The following GPR158 variants were observed in gnomAD, a reference collection of about 807,000 sequenced individuals.
GPR158 encodes the protein G protein-coupled receptor 158, also known as metabotropic glycine receptor.
Under a neutral mutation model 78.2 loss-of-function variants are expected in GPR158, and 30 were observed. That is an observed-to-expected ratio of 0.38 (90% CI 0.29 to 0.52). The LOEUF (loss-of-function observed/expected upper bound fraction) is 0.52. Among genes scored for constraint, GPR158 ranks in the 20% least tolerant of loss-of-function variants. The pLI is 0.83. For missense variants in GPR158, 1,463 were observed against 1,523.5 expected (o/e 0.96, Z 0.66); for synonymous variants, 581 against 591.1 (o/e 0.98, Z 0.25).
intron 4 of GPR158, among the ~76,000 whole-genome samples, chr10:25,445,463 A>G (rs1835127861): frequency 1.3e-5 from 2 of 152,138 alleles, no homozygotes; most frequent in African/African-American, 4.8e-5. Context: ...TAAAATTTGG[A>G]CTTATGTATA....
chr10:25,364,123 G>T (rs1469976570), intron 2 of GPR158, among the ~76,000 whole-genome samples: 1 of 151,920 alleles, frequency 6.6e-6, no homozygotes, highest in Non-Finnish European at 1.5e-5. Flanking sequence ...CATTTTATCA[G>T]TAAGGAAAAT....
At chr10:25,467,709 G>C (rs975125820) in intron 5 of GPR158, among the ~76,000 whole-genome samples, 1 of 152,140 alleles carries the variant, frequency 6.6e-6, no homozygotes, top group African/African-American at 2.4e-5. Context: ...AGAGTGGGCT[G>C]GTCTGGGTGG....
intron 1 of GPR158, among the ~76,000 whole-genome samples, chr10:25,186,140 T>C (rs1349767951): frequency 6.6e-6 from 1 of 152,114 alleles, no homozygotes; most frequent in Non-Finnish European, 1.5e-5. Context: ...CATAACGAAA[T>C]GAAGGCAGAA....
At chr10:25,582,483 G>A (rs185418090) in intron 7 of GPR158, among the ~76,000 whole-genome samples, 42 of 152,304 alleles carry the variant, frequency 2.8e-4, no homozygotes, top group Non-Finnish European at 3.8e-4. Context: ...CCATTCTAGC[G>A]AAGTGTGAAC....
At chr10:25,326,874 T>G (rs1334739987) in intron 2 of GPR158, among the ~76,000 whole-genome samples, 2 of 152,194 alleles carry the variant, frequency 1.3e-5, no homozygotes, top group African/African-American at 4.8e-5. Context: ...CACTGACGAT[T>G]ATTTGACTTA....
At chr10:25,466,334 C>T (rs16925917) in intron 4 of GPR158, 9,272 of 220,036 alleles carry the variant, frequency 0.042, 314 homozygotes, top group South Asian at 0.13. Context: ...GACCTTCAAT[C>T]GGGAGAAGAC....
At chr10:25,295,060 T>C (rs937548663) in intron 2 of GPR158, among the ~76,000 whole-genome samples, 3 of 152,238 alleles carry the variant, frequency 2.0e-5, no homozygotes, top group Admixed American at 2.0e-4. Context: ...ACCTAGCCCT[T>C]TCTCAATCTG....
chr10:25,429,263 C>T (rs1033808820), intron 4 of GPR158, among the ~76,000 whole-genome samples: 1 of 152,042 alleles, frequency 6.6e-6, no homozygotes, highest in Non-Finnish European at 1.5e-5. Context: ...GTAGCACTTT[C>T]AATTCTTACC....
intron 9 of GPR158, among the ~76,000 whole-genome samples, chr10:25,596,086 A>G (rs899194802): frequency 6.6e-6 from 1 of 152,190 alleles, no homozygotes; most frequent in Non-Finnish European, 1.5e-5. Context: ...AGATAGAGGT[A>G]AGTGCCAAGG....
At chr10:25,194,991 A>AT (rs1378860914) in intron 1 of GPR158, among the ~76,000 whole-genome samples, 1 of 152,126 alleles carries the variant, frequency 6.6e-6, no homozygotes, top group African/African-American at 2.4e-5. Context: ...AAGAATTGAC[A>AT]GATAAATAAT....
chr10:25,251,972 T>G (rs1423287848), intron 2 of GPR158, among the ~76,000 whole-genome samples: 1 of 152,038 alleles, frequency 6.6e-6, no homozygotes, highest in Non-Finnish European at 1.5e-5. Flanking sequence ...AGATTTGGTC[T>G]TTTCACATAG....
Position 25,583,074 on chromosome 10 carries a change from C to T in GPR158, c.1754-5933C>T, listed in dbSNP as rs74126246. On this transcript the variant is annotated intron_variant, in intron 7 of 10. Transcript: ENST00000376351. ...AGGCTCCAATCTGCTGCTCACAGGG[C>T]GAGTGCAGCTGGAGAACGGAGGTTC... Among the ~76,000 whole-genome samples, 888 of 152,268 alleles carry T rather than the reference C, an allele frequency of 5.8e-3. 11 individuals carry two copies. The highest frequency in any genetic ancestry group is 0.019 in the African/African-American group (787 of 41,558).
intron 6 of GPR158, among the ~76,000 whole-genome samples, chr10:25,572,174 T>C (rs774790681): frequency 2.6e-5 from 4 of 152,178 alleles, no homozygotes; most frequent in Admixed American, 2.6e-4. Context: ...CTGAGAATTT[T>C]CCTTGAAATA....
intron 2 of GPR158, among the ~76,000 whole-genome samples, chr10:25,298,003 C>T (rs1276461076): frequency 6.6e-6 from 1 of 152,162 alleles, no homozygotes; most frequent in Admixed American, 6.5e-5. Context: ...AACCTCAGGT[C>T]CCATCTGTAT....
chr10:25,327,011 T>G (rs1424614241), intron 2 of GPR158, among the ~76,000 whole-genome samples: 4 of 152,160 alleles, frequency 2.6e-5, no homozygotes, highest in Non-Finnish European at 5.9e-5. Context: ...AAATACACAT[T>G]TGACTTACTG....
intron 4 of GPR158, among the ~76,000 whole-genome samples, chr10:25,444,366 T>C (rs1215920205): frequency 6.7e-6 from 1 of 149,770 alleles, no homozygotes; most frequent in Admixed American, 6.7e-5. Flanking sequence ...ATGCGTGCGG[T>C]AGTTGTGTGT....
At chr10:25,590,468 C>A (rs567286015) in intron 8 of GPR158, among the ~76,000 whole-genome samples, 1 of 152,266 alleles carries the variant, frequency 6.6e-6, no homozygotes, top group South Asian at 2.1e-4. Context: ...AGGGGATGCC[C>A]TCAGTCAACA....
rs868507861 is a variant in GPR158, at chr10:25,279,514, G to A, written c.1008+58357G>A. 2.6e-5 allele frequency among the ~76,000 whole-genome samples: 4 copies of A among 152,154 alleles called. No individual in the cohort carries two copies. The South Asian group carries it at 6.2e-4, about 24-fold the overall frequency. ...TTTTAAGCATTTTGTGGGGTGGGGG[G>A]AGATTTGTGCAGGGGGAAGTGTATT... is the stretch of plus-strand genomic sequence containing the variant. On this transcript the variant is annotated intron_variant, in intron 2 of 10. Coordinates refer to ENST00000376351, the MANE Select transcript of GPR158 (RefSeq NM_020752.3).
chr10:25,513,835 T>C (rs1231018200), intron 5 of GPR158, among the ~76,000 whole-genome samples: 1 of 152,286 alleles, frequency 6.6e-6, no homozygotes, highest in East Asian at 1.9e-4. Context: ...CTTTGGGGGT[T>C]CATTTTGGAG....
Sources: gnomAD v4.1 joint callset for allele counts (sites outside exome capture counted in the v4.1 genomes callset) on GRCh38, gnomAD v4.1.1 for gene constraint, MANE v1.5 for transcripts, NCBI Gene and HGNC (gene_info 2026-07-23, HGNC 2026-07-21) for gene names.